The following RECK variants were observed in gnomAD, a reference collection of about 807,000 sequenced individuals.
The protein encoded by RECK is reversion inducing cysteine rich protein with kazal motifs.
A neutral mutation model predicts 115.1 loss-of-function variants in RECK; 69 were observed. The ratio of observed to expected loss-of-function variants is 0.60; its 90% CI spans 0.49 to 0.73. The LOEUF (loss-of-function observed/expected upper bound fraction) is 0.73, where lower values mean the gene tolerates loss of function less well. RECK is among the 30% of genes least tolerant of loss of function. The probability of loss-of-function intolerance (pLI) is 0.00; values close to 1 mark genes in which losing one functional copy is unlikely to be tolerated. For missense variants in RECK, 1,047 were observed against 1,203.7 expected, an observed-to-expected ratio of 0.87 and a Z score of 1.93; for synonymous variants, 414 against 419.7, an observed-to-expected ratio of 0.99 and a Z score of 0.17.
intron 16 of RECK, 112 bp from the exon 17 acceptor site, chr9:36,116,873 C>A (rs1824287204): frequency 6.1e-6 from 5 of 813,038 alleles, no homozygotes; most frequent in Non-Finnish European, 9.9e-6. Context: ...CAGGACTGTC[C>A]TGATTCATCT....
At chr9:36,085,923 T>G (rs1336100624) in intron 8 of RECK, 1 of 151,784 alleles carries the variant, frequency 6.6e-6, no homozygotes, top group Non-Finnish European at 1.5e-5. Context: ...CTCTCTGACA[T>G]TTAGTCTATA....
At chr9:36,096,725 TAGG>T (rs1823355953) in intron 10 of RECK, among the ~76,000 whole-genome samples, 1 of 152,080 alleles carries the variant, frequency 6.6e-6, no homozygotes, top group Non-Finnish European at 1.5e-5. Flanking sequence ...TTAAAGCTAA[TAGG>T]AGAACATCTT....
At chr9:36,063,560 G>A (rs1821868208) in intron 4 of RECK, among the ~76,000 whole-genome samples, 1 of 152,088 alleles carries the variant, frequency 6.6e-6, no homozygotes, top group Non-Finnish European at 1.5e-5. Flanking sequence ...GGGTGGGAGG[G>A]AAAAGAGAAA....
intron 13 of RECK, among the ~76,000 whole-genome samples, chr9:36,106,793 A>G (rs1823836940): frequency 6.6e-6 from 1 of 152,040 alleles, no homozygotes; most frequent in African/African-American, 2.4e-5. Flanking sequence ...TCTGTATTTC[A>G]TATTATTTAA....
intron 1 of RECK, among the ~76,000 whole-genome samples, chr9:36,040,670 G>A (rs7025431): frequency 0.014 from 2,056 of 152,054 alleles, 44 homozygotes; most frequent in African/African-American, 0.048. Context: ...TGACTAGAAG[G>A]CCATTGCAGT....
chr9:36,070,819 T>A (rs1160540282), intron 6 of RECK, among the ~76,000 whole-genome samples: 2 of 152,224 alleles, frequency 1.3e-5, no homozygotes, highest in African/African-American at 4.8e-5. Context: ...TTGTTTTGAT[T>A]GTGGGGTCAC....
chr9:36,038,813 C>CA (rs398039899), intron 1 of RECK, among the ~76,000 whole-genome samples: 7,972 of 141,478 alleles, frequency 0.056, 334 homozygotes, highest in South Asian at 0.19. Context: ...AAACAAACAA[C>CA]AAAAAAAAAA....
chr9:36,049,651 A>AG (rs1821207582), intron 1 of RECK, among the ~76,000 whole-genome samples: 1 of 152,238 alleles, frequency 6.6e-6, no homozygotes, highest in Admixed American at 6.5e-5. Flanking sequence ...AGCATAACAA[A>AG]GACACTCCTA....
At chr9:36,076,880 A>G (rs1232440350) in intron 6 of RECK, among the ~76,000 whole-genome samples, 2 of 152,156 alleles carry the variant, frequency 1.3e-5, no homozygotes, top group Admixed American at 6.5e-5. Context: ...TGCATTGAGA[A>G]AAACAACCCA....
intron 1 of RECK, among the ~76,000 whole-genome samples, chr9:36,045,125 A>G (rs1821022409): frequency 6.6e-6 from 1 of 152,222 alleles, no homozygotes. Flanking sequence ...TAGATATGGC[A>G]GTATGACAAG....
At chr9:36,119,021 C>T (rs1824368304) in intron 18 of RECK, 54 bp downstream of exon 18, 2 of 1,532,276 alleles carry the variant, frequency 1.3e-6, no homozygotes, top group Non-Finnish European at 1.8e-6. Flanking sequence ...TTTGCTTATC[C>T]ACCTCCAGAG....
At position 36,122,972 on chromosome 9, in the gene RECK, G is replaced by A; in HGVS notation, c.2843G>A (p.Arg948Lys). 6.2e-7 allele frequency: 1 copy of A among 1,614,134 alleles called. No homozygotes were observed. The highest frequency in any genetic ancestry group is 8.5e-7 in the Non-Finnish European group (1 of 1,180,032). ...GTGCCATCGGCCGGTGTCAGGGCCA[G>A]GCCTTCTTGCCACTCCCTCCTCCTT... The part of the protein sequence containing the change: ...SSVPSAGVRA[R>K]PSCHSLLLPL... The change falls in exon 21 of 21, where the codon AGG becomes AAG. Residue 948 changes from arginine (R) to lysine (K), a missense_variant. Arg to Lys is a conservative substitution (Grantham distance 26). Coordinates refer to ENST00000377966, the MANE Select transcript of RECK (RefSeq NM_021111.3).
intron 20 of RECK, among the ~76,000 whole-genome samples, chr9:36,122,287 T>C (rs543641112): frequency 1.2e-4 from 18 of 152,342 alleles, no homozygotes; most frequent in South Asian, 2.1e-4. Flanking sequence ...ATCTCGTCGT[T>C]GTTTTCCTTT....
intron 19 of RECK, 97 bp from the exon 20 acceptor site, chr9:36,121,436 C>T: frequency 8.2e-7 from 1 of 1,213,448 alleles, no homozygotes; most frequent in East Asian, 2.4e-5. Context: ...GCTGTGCGGT[C>T]AAAAGAGCCT....
intron 1 of RECK, 99 bp downstream of exon 1, chr9:36,037,197 C>T (rs1411941277): frequency 1.3e-6 from 1 of 754,838 alleles, no homozygotes; most frequent in Non-Finnish European, 1.8e-6. Context: ...GCGCGACCCC[C>T]AGACCCTGCC....
At chr9:36,118,573 C>T (rs545179197) in intron 17 of RECK, among the ~76,000 whole-genome samples, 184 bp from the exon 18 acceptor site, 35 of 152,174 alleles carry the variant, frequency 2.3e-4, no homozygotes, top group Non-Finnish European at 4.6e-4. Flanking sequence ...TGGAGACACC[C>T]ATATTGCTGC....
intron 2 of RECK, among the ~76,000 whole-genome samples, chr9:36,057,858 T>G (rs1179908426): frequency 1.3e-5 from 2 of 152,010 alleles, no homozygotes; most frequent in African/African-American, 4.8e-5. Context: ...GAACAGACAC[T>G]TCTCAAAAGA....
chr9:36,067,132 C>T (rs531990954), intron 6 of RECK, among the ~76,000 whole-genome samples: 2 of 152,252 alleles, frequency 1.3e-5, no homozygotes, highest in African/African-American at 4.8e-5. Flanking sequence ...ATAAACCTCA[C>T]ATAACAGTCA....
Position 36,056,095 on chromosome 9 carries a change from A to G in RECK, c.160-2732A>G, listed in dbSNP as rs139477732. 1.6e-3 allele frequency among the ~76,000 whole-genome samples: 250 copies of G among 152,182 alleles called. 1 individual carries two copies. Among genetic ancestry groups the G allele is most frequent in the Non-Finnish European group, 1.9e-3 (126 of 67,990 alleles). ...ATAAACCCCCATATTCAGCTTCAAT[A>G]TTATTAAGTCATGACCAGTTGTGTT... On this transcript the variant is annotated intron_variant, in intron 2 of 20. Coordinates refer to ENST00000377966, the MANE Select transcript of RECK (RefSeq NM_021111.3).
Sources: allele counts gnomAD v4.1 joint callset (sites outside exome capture counted in the v4.1 genomes callset), GRCh38; gene constraint gnomAD v4.1.1; transcripts MANE v1.5; gene names NCBI Gene and HGNC (gene_info 2026-07-23, HGNC 2026-07-21).